Variants in POU6F2 observed in about 807,000 individuals in gnomAD.
POU6F2 encodes the protein POU class 6 homeobox 2.
A neutral mutation model predicts 71.3 loss-of-function variants in POU6F2; 31 were observed. The ratio of observed to expected loss-of-function variants is 0.43; its 90% CI spans 0.33 to 0.59. POU6F2 has a LOEUF of 0.59. Among genes scored for constraint, POU6F2 ranks in the 20% least tolerant of loss-of-function variants. The probability of loss-of-function intolerance (pLI) is 0.04; values close to 1 mark genes in which losing one functional copy is unlikely to be tolerated. For synonymous variants in POU6F2, 347 were observed against 355.7 expected (o/e 0.98, Z 0.27); for missense variants, 783 against 856.8 (o/e 0.91, Z 1.07).
intron 7 of POU6F2, among the ~76,000 whole-genome samples, chr7:39,436,154 G>A (rs1441949021): frequency 6.6e-6 from 1 of 152,106 alleles, no homozygotes; most frequent in Non-Finnish European, 1.5e-5. Context: ...TTCTAATTCT[G>A]TGAAGAATGT....
At chr7:39,304,390 A>G (rs915439900) in intron 4 of POU6F2, among the ~76,000 whole-genome samples, 7 of 152,160 alleles carry the variant, frequency 4.6e-5, no homozygotes, top group Non-Finnish European at 1.0e-4. Flanking sequence ...ACGTCTGAAC[A>G]ATTCGGTAAC....
chr7:39,098,467 G>T (rs536079794), intron 2 of POU6F2, among the ~76,000 whole-genome samples: 39 of 130,554 alleles, frequency 3.0e-4, no homozygotes, highest in Non-Finnish European at 3.8e-4. Context: ...TTGCAAGAGA[G>T]GGGGGGTCTC....
At chr7:39,031,268 G>T (rs977592402) in intron 1 of POU6F2, among the ~76,000 whole-genome samples, 1 of 152,100 alleles carries the variant, frequency 6.6e-6, no homozygotes, top group African/African-American at 2.4e-5. Flanking sequence ...TAACTGTAAA[G>T]ATGGATGTTT....
At chr7:39,342,754 T>C (rs191260343) in intron 5 of POU6F2, among the ~76,000 whole-genome samples, 16 of 152,306 alleles carry the variant, frequency 1.1e-4, no homozygotes, top group African/African-American at 3.1e-4. Context: ...TGTTGGTAGG[T>C]AGTAACACTC....
At chr7:38,986,256 G>A (rs1433417204) in intron 1 of POU6F2, among the ~76,000 whole-genome samples, 3 of 152,110 alleles carry the variant, frequency 2.0e-5, no homozygotes, top group Non-Finnish European at 2.9e-5. Flanking sequence ...ATGAGGTCTT[G>A]CCATGTTGCT....
Position 39,339,973 on chromosome 7 carries a change from A to G in POU6F2, c.930A>G (p.Gly310=), listed in dbSNP as rs771893971. ...CGCAGAAACCTAGTCAGTCTCCAGG[A>G]CATGGCCTGCCTTCACCGCTCACGC... is the stretch of plus-strand genomic sequence containing the variant. The part of the protein sequence containing the change: ...SPPQKPSQSP[G]HGLPSPLTPP... Residue 310 remains glycine, a synonymous_variant, in exon 5 of 10, where the codon GGA becomes GGG. Transcript: ENST00000518318. The G allele has an allele frequency of 3.1e-6, 5 of 1,613,354 alleles. No homozygotes were observed. Among genetic ancestry groups the G allele is most frequent in the African/African-American group, 1.3e-5 (1 of 74,894 alleles).
chr7:39,076,454 G>A (rs767889270), intron 1 of POU6F2, among the ~76,000 whole-genome samples: 12 of 152,106 alleles, frequency 7.9e-5, no homozygotes, highest in Admixed American at 1.3e-4. Context: ...CTCGTGGCAC[G>A]CATTTACCTA....
At chr7:39,391,599 A>G (rs1240744751) in intron 5 of POU6F2, among the ~76,000 whole-genome samples, 1 of 152,214 alleles carries the variant, frequency 6.6e-6, no homozygotes, top group Non-Finnish European at 1.5e-5. Context: ...CCCAAGTTTC[A>G]TACCAAAGTT....
intron 4 of POU6F2, among the ~76,000 whole-genome samples, chr7:39,277,843 G>C (rs922756404): frequency 6.6e-6 from 1 of 152,016 alleles, no homozygotes; most frequent in Non-Finnish European, 1.5e-5. Flanking sequence ...CGAATCACAA[G>C]GTCAAGAGGT....
chr7:39,001,785 T>C (rs1298519635), intron 1 of POU6F2, among the ~76,000 whole-genome samples: 2 of 151,952 alleles, frequency 1.3e-5, no homozygotes, highest in Non-Finnish European at 2.9e-5. Context: ...ATAGTGATGG[T>C]GATGTAATGA....
At chr7:39,297,196 T>TACATACACAC (rs1554339612) in intron 4 of POU6F2, among the ~76,000 whole-genome samples, 1 of 139,026 alleles carries the variant, frequency 7.2e-6, no homozygotes, top group Non-Finnish European at 1.6e-5. Flanking sequence ...CACATACACA[T>TACATACACAC]ACACACACAC....
intron 7 of POU6F2, among the ~76,000 whole-genome samples, chr7:39,441,415 A>C (rs1385485393): frequency 6.6e-6 from 1 of 152,118 alleles, no homozygotes. Flanking sequence ...GCTGAAAACA[A>C]TTGAGACACC....
At chr7:39,169,908 C>T (rs879699276) in intron 2 of POU6F2, among the ~76,000 whole-genome samples, 13 of 152,050 alleles carry the variant, frequency 8.5e-5, no homozygotes, top group South Asian at 2.1e-4. Context: ...TAAGGCTGGG[C>T]GCGGTGGCTC....
chr7:39,384,461 GAGTT>G (rs1245330953), intron 5 of POU6F2, among the ~76,000 whole-genome samples: 2 of 152,316 alleles, frequency 1.3e-5, no homozygotes, highest in Middle Eastern at 3.4e-3. Context: ...AAGAACTAAA[GAGTT>G]AGTTGGAATC....
intron 7 of POU6F2, among the ~76,000 whole-genome samples, chr7:39,443,123 C>A (rs1002496927): frequency 3.3e-5 from 5 of 152,196 alleles, no homozygotes; most frequent in Admixed American, 2.0e-4. Flanking sequence ...GGAATGAAAT[C>A]TTGTTCCTAC....
intron 8 of POU6F2, among the ~76,000 whole-genome samples, chr7:39,458,430 C>A (rs912130853): frequency 6.6e-6 from 1 of 151,876 alleles, no homozygotes; most frequent in Non-Finnish European, 1.5e-5. Flanking sequence ...TTTATTTGCA[C>A]ACTGCTCATT....
chr7:39,233,185 A>G (rs993767550), intron 4 of POU6F2, among the ~76,000 whole-genome samples: 1 of 152,148 alleles, frequency 6.6e-6, no homozygotes, highest in Non-Finnish European at 1.5e-5. Context: ...TAGTGTGAGT[A>G]ATACAGAGGT....
intron 2 of POU6F2, among the ~76,000 whole-genome samples, chr7:39,155,838 T>C (rs1013590764): frequency 6.6e-6 from 1 of 152,196 alleles, no homozygotes; most frequent in African/African-American, 2.4e-5. Flanking sequence ...TATCTATATA[T>C]TTTTATATAA....
chr7:39,283,783 T>C (rs1784605532), intron 4 of POU6F2, among the ~76,000 whole-genome samples: 1 of 152,224 alleles, frequency 6.6e-6, no homozygotes, highest in South Asian at 2.1e-4. Context: ...ATGAACATGT[T>C]AAAGAAACAC....
Sources: gnomAD v4.1 joint callset for allele counts (sites outside exome capture counted in the v4.1 genomes callset) on GRCh38, gnomAD v4.1.1 for gene constraint, MANE v1.5 for transcripts, NCBI Gene and HGNC (gene_info 2026-07-23, HGNC 2026-07-21) for gene names.